Variants in XCR1 observed in about 807,000 individuals in gnomAD.
XCR1 encodes the protein X-C motif chemokine receptor 1, also known as chemokine XC receptor 1.
For missense variants in XCR1, 356 were observed against 424.2 expected, an observed-to-expected ratio of 0.84 and a Z score of 1.41; for synonymous variants, 187 against 188.5, an observed-to-expected ratio of 0.99 and a Z score of 0.06.
chr3:46,058,434 A>G (rs1485329776), intron 4 of XCR1, among the ~76,000 whole-genome samples: 1 of 152,220 alleles, frequency 6.6e-6, no homozygotes, highest in Non-Finnish European at 1.5e-5. Context: ...GTCCTTAAAG[A>G]AACCCTGTCT....
chr3:46,062,254 T>A (rs1697976806), intron 4 of XCR1, among the ~76,000 whole-genome samples: 1 of 152,146 alleles, frequency 6.6e-6, no homozygotes, highest in Admixed American at 6.5e-5. Flanking sequence ...ACATGCCCGC[T>A]CAGCTGTCCT....
chr3:46,031,072 G>A (rs552626916), upstream of XCR1, among the ~76,000 whole-genome samples: 4 of 152,218 alleles, frequency 2.6e-5, no homozygotes, highest in South Asian at 8.3e-4. Context: ...CAGCCGGCAG[G>A]AGCTGGGGAC....
At chr3:46,072,970 A>G (rs1218935484) in intron 3 of XCR1, among the ~76,000 whole-genome samples, 1 of 152,198 alleles carries the variant, frequency 6.6e-6, no homozygotes, top group Non-Finnish European at 1.5e-5. Flanking sequence ...AAAACCACAT[A>G]TTTAGAGACA....
upstream of XCR1, among the ~76,000 whole-genome samples, chr3:46,031,632 T>C (rs1385452863): frequency 6.6e-6 from 1 of 152,192 alleles, no homozygotes; most frequent in African/African-American, 2.4e-5. Flanking sequence ...GCCAGGTCCC[T>C]GGTGAAGCCC....
chr3:46,081,930 C>T (rs1698372834), intron 1 of XCR1, among the ~76,000 whole-genome samples: 1 of 151,994 alleles, frequency 6.6e-6, no homozygotes, highest in African/African-American at 2.4e-5. Flanking sequence ...TGTTTAGCTC[C>T]CACTTACAAG....
intron 1 of XCR1, among the ~76,000 whole-genome samples, chr3:46,078,321 C>G (rs1698297139): frequency 6.6e-6 from 1 of 152,190 alleles, no homozygotes; most frequent in Admixed American, 6.5e-5. Context: ...CTCCCAGACT[C>G]AGCGCCTGGC....
intron 4 of XCR1, among the ~76,000 whole-genome samples, chr3:46,057,378 G>A (rs541295073): frequency 2.0e-5 from 3 of 152,282 alleles, no homozygotes; most frequent in East Asian, 1.9e-4. Context: ...ATAAAGGGGC[G>A]CAAAGCAACT....
chr3:46,041,624 C>T (rs1017398867), intron 5 of XCR1, among the ~76,000 whole-genome samples: 10 of 152,200 alleles, frequency 6.6e-5, no homozygotes, highest in African/African-American at 2.4e-4. Context: ...GGGACTGAAG[C>T]CGACCCAGTG....
chr3:46,026,201 G>A (rs947875465), intron 1 of XCR1, among the ~76,000 whole-genome samples: 1 of 152,064 alleles, frequency 6.6e-6, no homozygotes. Context: ...TTTTTTGCTG[G>A]TTATTAATTC....
intron 2 of XCR1, among the ~76,000 whole-genome samples, chr3:46,074,916 A>G (rs1698232068): frequency 6.6e-6 from 1 of 152,214 alleles, no homozygotes; most frequent in South Asian, 2.1e-4. Context: ...ACAGACTACT[A>G]TAACTCATCT....
At chr3:46,045,841 TTGG>T (rs1697615223) in intron 5 of XCR1, among the ~76,000 whole-genome samples, 2 of 152,168 alleles carry the variant, frequency 1.3e-5, no homozygotes, top group African/African-American at 4.8e-5. Context: ...AAAGCTACCG[TTGG>T]ATCCTGCAAT....
intron 5 of XCR1, among the ~76,000 whole-genome samples, chr3:46,042,050 A>G (rs1697545090): frequency 1.3e-5 from 2 of 152,206 alleles, no homozygotes. Flanking sequence ...AGAGTGAACC[A>G]CTGGTGTTTC....
At chr3:46,029,972 T>G (rs1708367579), upstream of XCR1, among the ~76,000 whole-genome samples, 1 of 152,248 alleles carries the variant, frequency 6.6e-6, no homozygotes, top group Admixed American at 6.5e-5. Context: ...TCATTGCTAC[T>G]GTATAAAAAT....
chr3:46,079,818 T>C (rs1411734827), intron 1 of XCR1, among the ~76,000 whole-genome samples: 5 of 152,210 alleles, frequency 3.3e-5, no homozygotes, highest in Non-Finnish European at 7.3e-5. Flanking sequence ...GCCCAGATAT[T>C]CTGACCTTTA....
intron 5 of XCR1, among the ~76,000 whole-genome samples, chr3:46,035,035 A>C (rs574293141): frequency 1.3e-5 from 2 of 150,850 alleles, no homozygotes; most frequent in African/African-American, 4.9e-5. Context: ...GCTCACTGCA[A>C]CCTCTTCCTC....
chr3:46,022,324 A>C (rs1369899114), intron 1 of XCR1: 5 of 173,508 alleles, frequency 2.9e-5, no homozygotes, highest in Non-Finnish European at 4.9e-5. Flanking sequence ...CAAAAAACCC[A>C]AAAAAGATGC....
At chr3:46,065,917 G>T (rs62243871) in intron 4 of XCR1, among the ~76,000 whole-genome samples, 1 of 152,244 alleles carries the variant, frequency 6.6e-6, no homozygotes, top group Middle Eastern at 3.4e-3. Flanking sequence ...CAGGGCCTCC[G>T]GAAGAGGCCA....
chr3:46,074,510 G>A (rs925671766), intron 3 of XCR1, among the ~76,000 whole-genome samples: 3 of 151,884 alleles, frequency 2.0e-5, no homozygotes, highest in Non-Finnish European at 4.4e-5. Flanking sequence ...ATTATTTAAT[G>A]GGTACAATGT....
In XCR1 at chr3:46,021,774, C is replaced by T. The variant is rs1197120730; in HGVS notation, c.174G>A (p.Lys58=). 2.5e-6 allele frequency: 4 copies of T among 1,614,134 alleles called. No homozygotes were observed. The highest frequency in any genetic ancestry group is 2.5e-6 in the Non-Finnish European group (3 of 1,180,028). The part of the protein sequence containing the change: ...GNSLVLWVLV[K]YESLESLTNI... The stretch of plus-strand genomic sequence containing the variant: ...TGGTGAGGGACTCCAGGCTCTCATA[C>T]TTCACCAGGACCCACAGGACCAGGC... Residue 58 remains lysine (K), a synonymous_variant, in exon 2 of 2, where the codon AAG becomes AAA. Coordinates refer to ENST00000309285, the MANE Select transcript of XCR1 (RefSeq NM_001024644.2). The surrounding 1 kb of genome is among the most constrained non-coding windows in gnomAD (Gnocchi z 4.7).
Sources: gnomAD v4.1 joint callset for allele counts (sites outside exome capture counted in the v4.1 genomes callset) on GRCh38, gnomAD v4.1.1 for gene constraint, Gnocchi (gnomAD v3.1) non-coding constraint, MANE v1.5 for transcripts, NCBI Gene and HGNC (gene_info 2026-07-23, HGNC 2026-07-21) for gene names.